ACTN2: variants seen among roughly 807,000 people sequenced by gnomAD.
The protein encoded by ACTN2 is actinin alpha 2, also known as alpha-actinin-2.
Under a neutral mutation model 113.8 loss-of-function variants are expected in ACTN2, and 39 were observed. That is an observed-to-expected ratio of 0.34 (90% CI 0.27 to 0.45). ACTN2 has a LOEUF of 0.45. Ranked by LOEUF, ACTN2 falls within the 20% of genes least tolerant of loss-of-function variation. ACTN2 has a pLI of 1.00. For synonymous variants in ACTN2, 429 were observed against 444.1 expected, an observed-to-expected ratio of 0.97 and a Z score of 0.43; for missense variants, 992 against 1,177.9, an observed-to-expected ratio of 0.84 and a Z score of 2.31.
At chr1:236,742,601 T>C (rs1308042294) in intron 10 of ACTN2, among the ~76,000 whole-genome samples, 1 of 152,206 alleles carries the variant, frequency 6.6e-6, no homozygotes, top group Non-Finnish European at 1.5e-5. Flanking sequence ...TGAGGCTTTA[T>C]CTTCTTGTAG....
chr1:236,691,340 A>T (rs1156508502), intron 1 of ACTN2, among the ~76,000 whole-genome samples: 1 of 152,070 alleles, frequency 6.6e-6, no homozygotes, highest in Non-Finnish European at 1.5e-5. Context: ...TTGTTTAATA[A>T]TAAGTGCAAG....
intron 1 of ACTN2, among the ~76,000 whole-genome samples, chr1:236,707,736 G>T (rs1284833104): frequency 9.5e-6 from 1 of 104,964 alleles, no homozygotes; most frequent in Non-Finnish European, 1.8e-5. Flanking sequence ...TTTTGAGATG[G>T]AGTCTCACTC....
intron 1 of ACTN2, among the ~76,000 whole-genome samples, chr1:236,707,172 A>G (rs934219062): frequency 6.6e-6 from 1 of 152,248 alleles, no homozygotes; most frequent in Non-Finnish European, 1.5e-5. Flanking sequence ...TATAGGTAAA[A>G]AAGGATGTTC....
intron 1 of ACTN2, among the ~76,000 whole-genome samples, chr1:236,708,044 C>G (rs1315640190): frequency 3.3e-5 from 5 of 151,916 alleles, no homozygotes. Flanking sequence ...GGGAACAAAC[C>G]ACAGAGAGAT....
chr1:236,748,977 T>C, intron 13 of ACTN2, 147 bp from the exon 14 acceptor site: 2 of 935,836 alleles, frequency 2.1e-6, no homozygotes, highest in Admixed American at 2.0e-5. Context: ...GCCTAATTGT[T>C]TGAGCATCGG....
intron 7 of ACTN2, 32 bp from the exon 8 acceptor site, chr1:236,735,601 TGC>T (rs748491376): frequency 2.0e-6 from 3 of 1,531,824 alleles, no homozygotes; most frequent in Non-Finnish European, 2.7e-6. Context: ...TGTGTGTGTG[TGC>T]GCGCGTCCTG....
intron 13 of ACTN2, 137 bp from the exon 14 acceptor site, chr1:236,748,987 G>A: frequency 2.0e-6 from 2 of 1,024,470 alleles, no homozygotes. Flanking sequence ...TTGAGCATCG[G>A]GTAATCTTTT....
intron 5 of ACTN2, among the ~76,000 whole-genome samples, chr1:236,727,190 A>G (rs1658577889): frequency 6.6e-6 from 1 of 152,220 alleles, no homozygotes; most frequent in Non-Finnish European, 1.5e-5. Context: ...AAAAAGAAAA[A>G]AAAAAGAACT....
intron 1 of ACTN2, among the ~76,000 whole-genome samples, chr1:236,689,763 C>T (rs887754782): frequency 6.6e-6 from 1 of 152,204 alleles, no homozygotes; most frequent in Non-Finnish European, 1.5e-5. Context: ...AAATTGGGAC[C>T]TCTTCAGTGG....
chr1:236,742,925 G>A lies in ACTN2; in HGVS notation c.1137G>A (p.Glu379=). The A allele has an allele frequency of 1.2e-6, 2 of 1,614,242 alleles. No individual in the cohort carries two copies. The highest frequency in any genetic ancestry group is 1.7e-6 in the Non-Finnish European group (2 of 1,180,052). ...TTGCTGGTGCCTGGCAGAGGCTGGA[G>A]CAGGCTGAGAAGGGTTACGAGGAGT... is the stretch of plus-strand genomic sequence containing the variant. ...SDIAGAWQRL[E]QAEKGYEEWL... Residue 379 remains glutamate (E), a synonymous_variant, in exon 11 of 21, where the codon GAG becomes GAA. Coordinates refer to ENST00000366578, the MANE Select transcript of ACTN2 (RefSeq NM_001103.4).
At position 236,709,247 on chromosome 1, in the gene ACTN2, T is replaced by TAC. The variant is rs1558227405; in HGVS notation, c.127-8610_127-8609insCA. ...ATATATATATATATATATATATATA[T>TAC]ATATATATACACACACACACACACA... On this transcript the variant is annotated intron_variant, in intron 1 of 20. Coordinates refer to ENST00000366578, the MANE Select transcript of ACTN2 (RefSeq NM_001103.4). 8.4e-3 allele frequency among the ~76,000 whole-genome samples: 758 copies of TAC among 89,886 alleles called. 19 individuals are homozygous for TAC. Among genetic ancestry groups the TAC allele is most frequent in the African/African-American group, 0.025 (704 of 28,434 alleles). 59.0% of individuals were successfully genotyped at this position (89,886 alleles called of 152,430 possible).
chr1:236,726,599 A>C (rs549342094), intron 5 of ACTN2, among the ~76,000 whole-genome samples: 1 of 152,340 alleles, frequency 6.6e-6, no homozygotes, highest in African/African-American at 2.4e-5. Flanking sequence ...TGTTGAAGTA[A>C]AAGAGTTGGT....
At chr1:236,696,281 G>A (rs1657499409) in intron 1 of ACTN2, among the ~76,000 whole-genome samples, 1 of 148,882 alleles carries the variant, frequency 6.7e-6, no homozygotes, top group Non-Finnish European at 1.5e-5. Context: ...TCGTGTCACT[G>A]CACTCCAGCT....
In ACTN2 at chr1:236,717,846, T is replaced by C; in HGVS notation, c.127-12T>C. On this transcript the variant is annotated splice_polypyrimidine_tract_variant and intron_variant, in intron 1 of 20. Transcript: ENST00000366578. ...TGGACCTGTGCTAAACCGTGTTTGG[T>C]TTTCTTTGCAGACCTTCACTGCCTG... 1 of 1,601,856 alleles carries C rather than the reference T, an allele frequency of 6.2e-7. No homozygotes were observed. The highest frequency in any genetic ancestry group is 8.6e-7 in the Non-Finnish European group (1 of 1,169,002).
chr1:236,705,778 T>C (rs1657806880), intron 1 of ACTN2, among the ~76,000 whole-genome samples: 1 of 152,252 alleles, frequency 6.6e-6, no homozygotes, highest in Admixed American at 6.5e-5. Flanking sequence ...GGAGAGGTCA[T>C]TCCTCAAACC....
At position 236,754,271 on chromosome 1, in the gene ACTN2, A is replaced by G. The variant is rs551602936; in HGVS notation, c.1974+190A>G. Among the ~76,000 whole-genome samples, 1 of 152,328 alleles carries G rather than the reference A, an allele frequency of 6.6e-6. No individual in the cohort carries two copies. Among genetic ancestry groups the G allele is most frequent in the African/African-American group, 2.4e-5 (1 of 41,576 alleles). ...GGGACAGTGTGCAAACCAGAGCACA[A>G]TATGGAATGCAGGAAGGCGGCACTC... On this transcript the variant is annotated intron_variant, in intron 16 of 20. Transcript: ENST00000366578. The surrounding 1 kb of genome is among the most constrained non-coding windows in gnomAD (Gnocchi z 4.9).
intron 1 of ACTN2, among the ~76,000 whole-genome samples, chr1:236,694,781 G>A (rs370172789): frequency 2.6e-4 from 39 of 152,152 alleles, no homozygotes; most frequent in African/African-American, 7.0e-4. Context: ...CTGAGCTGTC[G>A]AGGCCGGGTG....
In ACTN2 at chr1:236,755,208, C is replaced by T. The variant is rs1312831342; in HGVS notation, c.2154+10C>T. ...GAACTACACGATGGAGGTACGGCAG[C>T]CAGACAGGCGTGTGCCGCTCACTTC... On this transcript the variant is annotated intron_variant, in intron 17 of 20. Transcript: ENST00000366578. 1 of 1,614,016 alleles carries T rather than the reference C, an allele frequency of 6.2e-7. No individual in the cohort carries two copies. Among genetic ancestry groups the T allele is most frequent in the East Asian group, 2.2e-5 (1 of 44,880 alleles).
chr1:236,723,205 A>C (rs539441789), intron 4 of ACTN2, among the ~76,000 whole-genome samples: 2 of 152,152 alleles, frequency 1.3e-5, no homozygotes, highest in African/African-American at 4.8e-5. Flanking sequence ...CTTCTTCTTA[A>C]TTTCATTGGT....
Sources: allele counts gnomAD v4.1 joint callset (sites outside exome capture counted in the v4.1 genomes callset), GRCh38; gene constraint gnomAD v4.1.1; non-coding constraint Gnocchi (gnomAD v3.1); transcripts MANE v1.5; gene names NCBI Gene and HGNC (gene_info 2026-07-23, HGNC 2026-07-21).